C6orf132: variants seen among roughly 807,000 people sequenced by gnomAD.
C6orf132 encodes the protein chromosome 6 open reading frame 132, also known as uncharacterized protein C6orf132.
Under a neutral mutation model 65.3 loss-of-function variants are expected in C6orf132, and 43 were observed. The observed-to-expected ratio is 0.66, with a 90% CI of 0.52 to 0.85. The LOEUF is 0.85. C6orf132 is among the 40% of genes least tolerant of loss of function. The pLI, the probability that C6orf132 is intolerant of heterozygous loss-of-function variation, is 0.00. For missense variants in C6orf132, 1,488 were observed against 1,548.8 expected (o/e 0.96, Z 0.66); for synonymous variants, 631 against 654.1 (o/e 0.96, Z 0.54).
intron 2 of C6orf132, among the ~76,000 whole-genome samples, chr6:42,125,280 C>T (rs1766746629): frequency 6.6e-6 from 1 of 152,190 alleles, no homozygotes; most frequent in African/African-American, 2.4e-5. Context: ...CGCTCTGCCA[C>T]TTAGCCGCAA....
In C6orf132 at chr6:42,124,731, C is replaced by T. The variant is rs1476875106; in HGVS notation, c.252+3941G>A. ...CACCCACACAGAGCTTGTCCTCCCT[C>T]TTCTCCCCATCCTTCTGGCCTTCTG... On this transcript the variant is annotated intron_variant, in intron 2 of 4. Transcript: ENST00000341865. The surrounding 1 kb of genome is among the most constrained non-coding windows in gnomAD (Gnocchi z 4.0). Among the ~76,000 whole-genome samples, 1 of 152,250 alleles carries T rather than the reference C, an allele frequency of 6.6e-6. No individual in the cohort carries two copies. Among genetic ancestry groups the T allele is most frequent in the African/African-American group, 2.4e-5 (1 of 41,466 alleles).
At chr6:42,125,081 G>A (rs1379169874) in intron 2 of C6orf132, among the ~76,000 whole-genome samples, 2 of 152,194 alleles carry the variant, frequency 1.3e-5, no homozygotes, top group Non-Finnish European at 1.5e-5. Context: ...AAAGTGGCAA[G>A]AGGCCTGGTG....
At chr6:42,126,216 G>A (rs1766761381) in intron 2 of C6orf132, among the ~76,000 whole-genome samples, 1 of 152,018 alleles carries the variant, frequency 6.6e-6, no homozygotes. Context: ...GAGTAGCTGG[G>A]ATTACAGGTG....
Position 42,103,676 on chromosome 6 carries a change from G to T in C6orf132, c.*85C>A. Reference sequence around the variant, plus strand: ...TGAGTCAGGTCGCCCAACACCTGCTGTGTACCTCCCACCCCCCACAAGAAA... The same window carrying T: ...TGAGTCAGGTCGCCCAACACCTGCTTTGTACCTCCCACCCCCCACAAGAAA... On this transcript the variant is annotated 3_prime_UTR_variant, in exon 5 of 5. Coordinates refer to ENST00000341865, the MANE Select transcript of C6orf132 (RefSeq NM_001164446.3). 1.1e-6 allele frequency: 1 copy of T among 883,936 alleles called. No homozygotes were observed. Among genetic ancestry groups the T allele is most frequent in the Non-Finnish European group, 1.5e-6 (1 of 646,812 alleles). 54.8% of individuals were successfully genotyped at this position (883,936 alleles called of 1,614,324 possible).
intron 2 of C6orf132, among the ~76,000 whole-genome samples, chr6:42,123,448 GAGA>G (rs775370037): frequency 1.1e-4 from 5 of 43,698 alleles, no homozygotes; most frequent in Non-Finnish European, 2.6e-4. Flanking sequence ...GGAGAAGAAG[GAGA>G]AGAAGGAGAA....
chr6:42,112,238 C>T (rs1766507722), intron 2 of C6orf132, among the ~76,000 whole-genome samples: 1 of 152,182 alleles, frequency 6.6e-6, no homozygotes, highest in East Asian at 1.9e-4. Flanking sequence ...GCTCAAAGAC[C>T]TTTGGTAAGT....
chr6:42,139,007 CTCA>C (rs926343219), intron 1 of C6orf132, among the ~76,000 whole-genome samples: 62 of 152,040 alleles, frequency 4.1e-4, no homozygotes, highest in Non-Finnish European at 4.6e-4. Context: ...AATTTTTTTG[CTCA>C]TCACCACTCT....
chr6:42,117,498 G>A (rs994461576), intron 2 of C6orf132, among the ~76,000 whole-genome samples: 1 of 151,970 alleles, frequency 6.6e-6, no homozygotes, highest in Admixed American at 6.5e-5. Flanking sequence ...TGTAGTCCCT[G>A]CTGCCCAGCC....
chr6:42,111,596 G>A (rs931906530), intron 2 of C6orf132, among the ~76,000 whole-genome samples: 3 of 151,728 alleles, frequency 2.0e-5, no homozygotes, highest in Non-Finnish European at 2.9e-5. Flanking sequence ...CTAATTTTTT[G>A]TATATGTTTT....
chr6:42,122,720 C>T (rs1161009819), intron 2 of C6orf132, among the ~76,000 whole-genome samples: 1 of 152,184 alleles, frequency 6.6e-6, no homozygotes, highest in Non-Finnish European at 1.5e-5. Context: ...TAGAGAAAAG[C>T]TCCTGCAGCA....
intron 3 of C6orf132, among the ~76,000 whole-genome samples, chr6:42,109,357 G>A (rs1260751758): frequency 1.3e-5 from 2 of 152,056 alleles, no homozygotes; most frequent in African/African-American, 2.4e-5. Context: ...GCTTGAACCC[G>A]GGAGGCAGAG....
rs1372962944 is a variant in C6orf132 at position 42,103,467 on chromosome 6, G to T, written c.*294C>A. The T allele has an allele frequency of 5.1e-6, 2 of 390,466 alleles. No homozygotes were observed. Among genetic ancestry groups the T allele is most frequent in the Non-Finnish European group, 9.0e-6 (2 of 221,726 alleles). The allele number at this position is 390,466 out of a possible 1,614,324, so 24.2% of individuals were successfully genotyped here. The stretch of plus-strand genomic sequence containing the variant: ...TCTTGCTAAAGCAGATAGTACCAGA[G>T]AGCAGAAACTCAGCGCCCAGGTCCT... On this transcript the variant is annotated 3_prime_UTR_variant, in exon 5 of 5. Transcript: ENST00000341865.
chr6:42,139,673 G>A (rs957310982), intron 1 of C6orf132, among the ~76,000 whole-genome samples: 1 of 151,984 alleles, frequency 6.6e-6, no homozygotes, highest in African/African-American at 2.4e-5. Flanking sequence ...AAAATATTAT[G>A]AGGGGTTTTT....
At chr6:42,119,491 C>T (rs543525891) in intron 2 of C6orf132, among the ~76,000 whole-genome samples, 10 of 151,312 alleles carry the variant, frequency 6.6e-5, no homozygotes, top group South Asian at 2.1e-4. Flanking sequence ...ACCACAGGCG[C>T]GTACCACCAC....
intron 1 of C6orf132, among the ~76,000 whole-genome samples, chr6:42,135,910 A>G (rs886789120): frequency 4.6e-5 from 7 of 152,046 alleles, no homozygotes; most frequent in Non-Finnish European, 8.8e-5. Context: ...ATGACTCTAG[A>G]CTCTGATTCC....
At chr6:42,131,870 G>A (rs879271347) in intron 1 of C6orf132, among the ~76,000 whole-genome samples, 1 of 152,224 alleles carries the variant, frequency 6.6e-6, no homozygotes, top group African/African-American at 2.4e-5. Flanking sequence ...AGTTGAGGCC[G>A]GGTTGGAAGG....
rs973226969 is a variant in C6orf132, at chr6:42,105,027, T to C, written c.2885A>G (p.Lys962Arg). The stretch of plus-strand genomic sequence containing the variant: ...AGGAGAAGGTGGGGAGGAGAAGGAC[T>C]TGGGCAGCGGGTGGCCCTGGGGGAG... ...SNLPQGHPLPKSFSSPPSPSN... is the reference protein window; with the variant it reads ...SNLPQGHPLPRSFSSPPSPSN... The change falls in exon 4 of 5, where the codon AAG becomes AGG. Residue 962 changes from lysine (K) to arginine (R), a missense_variant. Physicochemically the swap from Lys to Arg is conservative, Grantham distance 26. Coordinates refer to ENST00000341865, the MANE Select transcript of C6orf132 (RefSeq NM_001164446.3). 2.6e-6 allele frequency: 4 copies of C among 1,534,784 alleles called. No homozygotes were observed. The highest frequency in any genetic ancestry group is 3.5e-6 in the Non-Finnish European group (4 of 1,146,198).
chr6:42,135,030 T>G lies in C6orf132; in HGVS notation c.146-6252A>C, dbSNP rs560489429. Among the ~76,000 whole-genome samples, 3 of 152,204 alleles carry G rather than the reference T, an allele frequency of 2.0e-5. No individual in the cohort carries two copies. The South Asian group carries it at 6.2e-4, about 32-fold the overall frequency. On this transcript the variant is annotated intron_variant, in intron 1 of 4. Transcript: ENST00000341865. ...AAATAATAATGATAATTGGGAGGGCTGGTTATTGTTGTGATCGTCATTTTC... is the reference window on the plus strand; with the variant it reads ...AAATAATAATGATAATTGGGAGGGCGGGTTATTGTTGTGATCGTCATTTTC...
chr6:42,136,807 T>C lies in C6orf132; in HGVS notation c.145+5493A>G, dbSNP rs185881180. Among the ~76,000 whole-genome samples the C allele has an allele frequency of 1.1e-3, 160 of 152,194 alleles. 1 individual carries two copies. The highest frequency in any genetic ancestry group is 3.6e-3 in the African/African-American group (150 of 41,516). On this transcript the variant is annotated intron_variant, in intron 1 of 4. Transcript: ENST00000341865. ...CAAGGGCAGAGGGGATGCTGAAGAT[T>C]CGACTGGAGTGGAGGGGAGGAGGGG...
Sources: allele counts gnomAD v4.1 joint callset (sites outside exome capture counted in the v4.1 genomes callset), GRCh38; gene constraint gnomAD v4.1.1; non-coding constraint Gnocchi (gnomAD v3.1); transcripts MANE v1.5; gene names NCBI Gene and HGNC (gene_info 2026-07-23, HGNC 2026-07-21).